Variants in FAM72D observed in about 807,000 individuals in gnomAD.
FAM72D encodes the protein protein FAM72D.
For synonymous variants in FAM72D, 4 were observed against 35.1 expected (o/e 0.11, Z 3.13); for missense variants, 9 against 104.7 (o/e 0.09, Z 3.99).
upstream of FAM72D, among the ~76,000 whole-genome samples, chr1:145,094,310 G>A (rs1191310778): frequency 6.0e-5 from 1 of 16,748 alleles, no homozygotes; most frequent in African/African-American, 2.9e-4. Context: ...GGACGCAAGC[G>A]GGAGCGCGGA....
intron 3 of FAM72D, among the ~76,000 whole-genome samples, chr1:145,108,763 AT>A (rs1553638708): frequency 4.2e-5 from 2 of 47,602 alleles, no homozygotes; most frequent in African/African-American, 1.2e-4. Flanking sequence ...ATATTGGTCA[AT>A]TTTTCAAAGA....
Position 145,101,027 on chromosome 1 carries a change from C to T in FAM72D, c.230+1962C>T, listed in dbSNP as rs587686713. Among the ~76,000 whole-genome samples, 38 of 150,846 alleles carry T rather than the reference C, an allele frequency of 2.5e-4. 2 individuals are homozygous for T. The East Asian group carries it at 6.2e-3, about 25-fold the overall frequency. On this transcript the variant is annotated intron_variant, in intron 2 of 3. Transcript: ENST00000400889. The stretch of plus-strand genomic sequence containing the variant: ...CATCATCTTGGCTCACTGAAACCTC[C>T]GTCTTCTGGGTTCAAGTGATTCTCT...
chr1:145,105,640 G>A (rs373006675), intron 3 of FAM72D, among the ~76,000 whole-genome samples: 3 of 149,800 alleles, frequency 2.0e-5, no homozygotes, highest in South Asian at 2.1e-4. Context: ...ACCAAGAGTG[G>A]AACTCCATCT....
At chr1:145,104,091 C>A (rs377042689) in intron 3 of FAM72D, among the ~76,000 whole-genome samples, 158 of 141,434 alleles carry the variant, frequency 1.1e-3, no homozygotes, top group African/African-American at 2.0e-3. Flanking sequence ...GTAGAGGCTG[C>A]AGTGAGCTGT....
chr1:145,109,764 CCT>C (rs1362336013), intron 3 of FAM72D, among the ~76,000 whole-genome samples: 1 of 120,604 alleles, frequency 8.3e-6, no homozygotes, highest in African/African-American at 3.2e-5. Context: ...CATGGATTAA[CCT>C]CAAAAACATG....
chr1:145,099,520 TG>T (rs1323806177), intron 2 of FAM72D, among the ~76,000 whole-genome samples: 1 of 76,988 alleles, frequency 1.3e-5, no homozygotes, highest in African/African-American at 7.3e-5. Flanking sequence ...TGGAGTGCAG[TG>T]GCATGATCAT....
chr1:145,100,590 C>T (rs1654657718), intron 2 of FAM72D, among the ~76,000 whole-genome samples: 2 of 140,282 alleles, frequency 1.4e-5, no homozygotes, highest in South Asian at 4.7e-4. Flanking sequence ...CTCCCAGGTT[C>T]AAGCGAATCT....
chr1:145,107,377 C>T (rs1246301831), intron 3 of FAM72D, among the ~76,000 whole-genome samples: 12 of 120,362 alleles, frequency 1.0e-4, no homozygotes, highest in Non-Finnish European at 1.9e-4. Context: ...TCCCGAGTAG[C>T]GAGATTACAG....
Sources: allele counts gnomAD v4.1 joint callset (sites outside exome capture counted in the v4.1 genomes callset), GRCh38; gene constraint gnomAD v4.1.1; transcripts MANE v1.5; gene names NCBI Gene and HGNC (gene_info 2026-07-23, HGNC 2026-07-21).